PLAC1: variants seen among roughly 807,000 people sequenced by gnomAD.
The protein encoded by PLAC1 is placenta associated 1, also known as placenta-specific protein 1.
For missense variants in PLAC1, 136 were observed against 163.2 expected (o/e 0.83, Z 0.91); for synonymous variants, 68 against 62.1 (o/e 1.09, Z -0.44).
At chrX:134,574,129 C>A (rs753984117) in intron 2 of PLAC1, among the ~76,000 whole-genome samples, 1 of 109,733 alleles carries the variant, frequency 9.1e-6, no homozygotes, top group Admixed American at 9.8e-5. Context: ...GATGGAGAGA[C>A]AGACACACAC....
In PLAC1 at chrX:134,754,494, G is replaced by A. The variant is rs1393925161; in HGVS notation, n.89+9740C>T. ...GCTACCAAGAGACTCCTTTTACAAT[G>A]ACTGTCTAGGGGGAAGCCTATTTTT... On this transcript the variant is annotated intron_variant and non_coding_transcript_variant, in intron 1 of 2. Transcript: ENST00000466797. Among the ~76,000 whole-genome samples the A allele has an allele frequency of 4.5e-5, 5 of 111,311 alleles. No individual in the cohort carries two copies. The East Asian group carries it at 1.1e-3, about 25-fold the overall frequency.
intron 2 of PLAC1, among the ~76,000 whole-genome samples, chrX:134,597,762 T>C (rs140675071): frequency 0.013 from 1,509 of 111,982 alleles, 18 homozygotes; most frequent in South Asian, 0.023. Context: ...TGTTTGGCTA[T>C]AGTAGAGCAG....
intron 1 of PLAC1, among the ~76,000 whole-genome samples, chrX:134,613,870 C>T (rs1446180967): frequency 9.0e-6 from 1 of 111,097 alleles, no homozygotes; most frequent in African/African-American, 3.3e-5. Context: ...CCATACCTCA[C>T]AGCCCCTCAC....
intron 2 of PLAC1, among the ~76,000 whole-genome samples, chrX:134,727,090 G>T (rs770550429): frequency 9.0e-6 from 1 of 110,786 alleles, no homozygotes; most frequent in Non-Finnish European, 1.9e-5. Context: ...TCCTTTGCTC[G>T]GAGAGAGAGC....
chrX:134,601,787 G>A (rs2078090606), intron 2 of PLAC1: 1 of 112,129 alleles, frequency 8.9e-6, no homozygotes, highest in Non-Finnish European at 1.9e-5. Flanking sequence ...AATTAATTTA[G>A]ATCTTGTAAG....
chrX:134,614,870 C>T (rs372426803), intron 1 of PLAC1, among the ~76,000 whole-genome samples: 43 of 110,621 alleles, frequency 3.9e-4, no homozygotes, highest in African/African-American at 1.3e-3. Context: ...AGGCTGGTCT[C>T]GAACTCCTGG....
intron 2 of PLAC1, among the ~76,000 whole-genome samples, chrX:134,726,772 G>A (rs930057128): frequency 1.5e-4 from 13 of 89,226 alleles, no homozygotes; most frequent in Non-Finnish European, 2.7e-4. Context: ...ACAGTGAGCC[G>A]AGATCACACC....
chrX:134,658,570 G>A (rs1271399554), upstream of PLAC1: 1 of 112,156 alleles, frequency 8.9e-6, no homozygotes, highest in African/African-American at 3.2e-5. Context: ...TGGTGCTTTC[G>A]AAACAACACT....
intron 2 of PLAC1, among the ~76,000 whole-genome samples, chrX:134,583,344 G>A (rs976104195): frequency 2.0e-5 from 2 of 102,280 alleles, no homozygotes; most frequent in African/African-American, 7.2e-5. Flanking sequence ...CTTCTCCTCC[G>A]CCTCCCAAAG....
At chrX:134,734,563 A>G (rs2078697904) in intron 1 of PLAC1, among the ~76,000 whole-genome samples, 1 of 112,504 alleles carries the variant, frequency 8.9e-6, no homozygotes, top group Non-Finnish European at 1.9e-5. Flanking sequence ...CTGCTCTTCC[A>G]TGGGCCTCTT....
intron 1 of PLAC1, among the ~76,000 whole-genome samples, chrX:134,756,318 C>G (rs1476925913): frequency 9.2e-6 from 1 of 108,363 alleles, no homozygotes; most frequent in Non-Finnish European, 1.9e-5. Flanking sequence ...AATTAATCGA[C>G]GTTTTCTTCT....
At chrX:134,636,252 G>A (rs185549635) in intron 1 of PLAC1, among the ~76,000 whole-genome samples, 3 of 112,108 alleles carry the variant, frequency 2.7e-5, no homozygotes, top group Admixed American at 9.5e-5. Context: ...AAACTTACAT[G>A]AGCCCACGAC....
chrX:134,653,858 A>AAAAT (rs2078375837), intron 1 of PLAC1, among the ~76,000 whole-genome samples: 1 of 112,311 alleles, frequency 8.9e-6, no homozygotes, highest in Non-Finnish European at 1.9e-5. Context: ...GCAAATAAAT[A>AAAAT]AAATAAATAA....
chrX:134,716,778 A>C (rs1231783561), intron 2 of PLAC1, among the ~76,000 whole-genome samples: 1 of 112,261 alleles, frequency 8.9e-6, no homozygotes, highest in African/African-American at 3.2e-5. Flanking sequence ...GCATAGCGTA[A>C]CGGTTAAGAG....
intron 1 of PLAC1, among the ~76,000 whole-genome samples, chrX:134,655,458 A>G (rs2078386324): frequency 8.9e-6 from 1 of 111,835 alleles, no homozygotes; most frequent in Non-Finnish European, 1.9e-5. Flanking sequence ...TCCTAACCAC[A>G]ATATATTATC....
chrX:134,608,370 A>G (rs183438221), intron 1 of PLAC1, among the ~76,000 whole-genome samples: 87 of 112,685 alleles, frequency 7.7e-4, no homozygotes, highest in African/African-American at 2.7e-3. Context: ...AAGTGCTGAT[A>G]CATGCTACAA....
chrX:134,757,492 A>C (rs1397417524), intron 1 of PLAC1, among the ~76,000 whole-genome samples: 1 of 112,650 alleles, frequency 8.9e-6, no homozygotes. Flanking sequence ...GGAAACTTTT[A>C]TATGAAAGAC....
chrX:134,681,255 T>A (rs1258342992), intron 2 of PLAC1, among the ~76,000 whole-genome samples: 1 of 111,380 alleles, frequency 9.0e-6, no homozygotes, highest in East Asian at 2.8e-4. Flanking sequence ...ACATACTGTG[T>A]ATGATGAGAT....
chrX:134,586,688 T>G (rs2078003337), intron 2 of PLAC1, among the ~76,000 whole-genome samples: 1 of 102,076 alleles, frequency 9.8e-6, no homozygotes, highest in Non-Finnish European at 2.0e-5. Context: ...TTTTTTTTTT[T>G]GAGATGGAGC....
Sources: gnomAD v4.1 joint callset for allele counts (sites outside exome capture counted in the v4.1 genomes callset) on GRCh38, gnomAD v4.1.1 for gene constraint, MANE v1.5 for transcripts, NCBI Gene and HGNC (gene_info 2026-07-23, HGNC 2026-07-21) for gene names.